The following SS18 variants were observed in gnomAD, a reference collection of about 807,000 sequenced individuals.
SS18 encodes the protein SS18 subunit of BAF chromatin remodeling complex.
Under a neutral mutation model 72.5 loss-of-function variants are expected in SS18, and 28 were observed. That is an observed-to-expected ratio of 0.39 (90% CI 0.29 to 0.53). The LOEUF (loss-of-function observed/expected upper bound fraction) is 0.53, where lower values mean the gene tolerates loss of function less well. Among genes scored for constraint, SS18 ranks in the 20% least tolerant of loss-of-function variants. SS18 has a pLI of 0.76. For synonymous variants in SS18, 172 were observed against 164.2 expected, an observed-to-expected ratio of 1.05 and a Z score of -0.37; for missense variants, 518 against 535.3, an observed-to-expected ratio of 0.97 and a Z score of 0.32.
intron 5 of SS18, among the ~76,000 whole-genome samples, chr18:26,040,838 A>T (rs902811586): frequency 1.3e-5 from 2 of 152,186 alleles, no homozygotes; most frequent in Non-Finnish European, 2.9e-5. Flanking sequence ...TCAACAAGGA[A>T]ATACAGTCTT....
intron 5 of SS18, among the ~76,000 whole-genome samples, chr18:26,040,842 C>T (rs574410798): frequency 1.8e-4 from 27 of 152,244 alleles, no homozygotes; most frequent in Non-Finnish European, 3.5e-4. Flanking sequence ...CAAGGAAATA[C>T]AGTCTTAGTA....
At chr18:26,077,716 T>C (rs974713522) in intron 3 of SS18, among the ~76,000 whole-genome samples, 8 of 152,174 alleles carry the variant, frequency 5.3e-5, no homozygotes, top group African/African-American at 1.2e-4. Flanking sequence ...GGTATGAGAA[T>C]AGTCCTGTCT....
At chr18:26,052,891 T>C (rs752738767) in intron 4 of SS18, 46 bp from the exon 5 acceptor site, 1 of 1,535,842 alleles carries the variant, frequency 6.5e-7, no homozygotes, top group Non-Finnish European at 9.0e-7. Flanking sequence ...GTTAAACAGA[T>C]GGTCCATACA....
At chr18:26,055,039 A>T (rs1427580053) in intron 4 of SS18, among the ~76,000 whole-genome samples, 2 of 151,864 alleles carry the variant, frequency 1.3e-5, no homozygotes, top group Non-Finnish European at 2.9e-5. Flanking sequence ...ATGCCCAGCG[A>T]GAGAATATCT....
At chr18:26,026,114 G>A (rs1227312748) in intron 10 of SS18, among the ~76,000 whole-genome samples, 1 of 152,096 alleles carries the variant, frequency 6.6e-6, no homozygotes, top group Non-Finnish European at 1.5e-5. Context: ...TTGAACCACT[G>A]TTATGTCAGG....
Position 26,050,832 on chromosome 18 carries a change from C to T in SS18, c.607+1792G>A, listed in dbSNP as rs191248964. 2.3e-3 allele frequency among the ~76,000 whole-genome samples: 357 copies of T among 152,182 alleles called. 1 individual carries two copies. The highest frequency in any genetic ancestry group is 5.9e-3 in the African/African-American group (244 of 41,506). On this transcript the variant is annotated intron_variant, in intron 5 of 10. Coordinates refer to ENST00000415083, the MANE Select transcript of SS18 (RefSeq NM_001007559.3). ...GCTGAGGCAGGAGAATGGTGTGAAC[C>T]CGGGAGGCGGAGCTTGCAGAGAGCA... is the stretch of plus-strand genomic sequence containing the variant.
At chr18:26,043,538 C>T (rs1303975931) in intron 5 of SS18, among the ~76,000 whole-genome samples, 1 of 152,108 alleles carries the variant, frequency 6.6e-6, no homozygotes, top group Non-Finnish European at 1.5e-5. Context: ...AATTTATTTG[C>T]AAGAATCCCT....
chr18:26,070,658 C>T (rs920958042), intron 3 of SS18, among the ~76,000 whole-genome samples: 9 of 152,142 alleles, frequency 5.9e-5, no homozygotes, highest in African/African-American at 1.7e-4. Flanking sequence ...AGCTAGTGCT[C>T]GATCTTGGCC....
chr18:26,030,312 C>T (rs1216994155), intron 10 of SS18, among the ~76,000 whole-genome samples: 2 of 152,198 alleles, frequency 1.3e-5, no homozygotes, highest in Non-Finnish European at 2.9e-5. Context: ...CCACATCTAC[C>T]TGGCTAATAT....
In SS18 at chr18:26,018,150, G is replaced by A. The variant is rs1301987095; in HGVS notation, c.*204C>T. ...CAATGTTGCCATCTAGAGTAGAAAT[G>A]TGAAATCAAGAGTATTTTTGAGCTA... On this transcript the variant is annotated 3_prime_UTR_variant, in exon 11 of 11. Transcript: ENST00000415083. The A allele has an allele frequency of 6.4e-6, 3 of 466,468 alleles. No individual in the cohort carries two copies. The highest frequency in any genetic ancestry group is 6.5e-5 in the East Asian group (2 of 30,598). The allele number at this position is 466,468 out of a possible 1,614,324, so 28.9% of individuals were successfully genotyped here.
At chr18:26,024,724 G>C (rs1288655537) in intron 10 of SS18, among the ~76,000 whole-genome samples, 1 of 151,908 alleles carries the variant, frequency 6.6e-6, no homozygotes, top group Non-Finnish European at 1.5e-5. Context: ...AAAAAGAGGA[G>C]AAAAATCAAA....
intron 2 of SS18, among the ~76,000 whole-genome samples, chr18:26,084,766 A>C (rs752160608): frequency 9.9e-5 from 15 of 152,180 alleles, no homozygotes; most frequent in Non-Finnish European, 1.8e-4. Flanking sequence ...TGTCAAAATC[A>C]TGGAATATTT....
At position 26,049,537 on chromosome 18, in the gene SS18, C is replaced by T. The variant is rs138598576; in HGVS notation, c.607+3087G>A. Reference sequence around the variant, plus strand: ...GTTACTCTTTTTGTTTTTTTAGAGACGGTCTTGCTCTGTCACCCAAGCTGG... The same window carrying T: ...GTTACTCTTTTTGTTTTTTTAGAGATGGTCTTGCTCTGTCACCCAAGCTGG... On this transcript the variant is annotated intron_variant, in intron 5 of 10. Transcript: ENST00000415083. Among the ~76,000 whole-genome samples the T allele has an allele frequency of 2.4e-3, 365 of 152,112 alleles. 1 individual carries two copies. Among genetic ancestry groups the T allele is most frequent in the African/African-American group, 8.4e-3 (348 of 41,494 alleles).
At chr18:26,056,060 A>T (rs1390536488) in intron 4 of SS18, among the ~76,000 whole-genome samples, 1 of 152,110 alleles carries the variant, frequency 6.6e-6, no homozygotes, top group Non-Finnish European at 1.5e-5. Context: ...CCTGGCCTGG[A>T]GAAATTCTTA....
intron 10 of SS18, among the ~76,000 whole-genome samples, chr18:26,026,877 T>TTTTTTAAACACATCA (rs1204234882): frequency 6.6e-6 from 1 of 152,096 alleles, no homozygotes; most frequent in Non-Finnish European, 1.5e-5. Flanking sequence ...AAATTTACAA[T>TTTTTTAAACACATCA]AGCATCAAAA....
intron 5 of SS18, among the ~76,000 whole-genome samples, chr18:26,046,691 T>C (rs1319091919): frequency 6.6e-6 from 1 of 152,232 alleles, no homozygotes; most frequent in Non-Finnish European, 1.5e-5. Flanking sequence ...CATTTCTTTG[T>C]TGCACTTTTA....
chr18:26,073,806 A>C (rs2054359504), intron 3 of SS18, among the ~76,000 whole-genome samples: 1 of 152,224 alleles, frequency 6.6e-6, no homozygotes, highest in African/African-American at 2.4e-5. Flanking sequence ...ATCAAGAAAA[A>C]GCAGTTTGTG....
Position 26,017,576 on chromosome 18 carries a change from A to C in SS18, c.*778T>G, listed in dbSNP as rs2053269826. The C allele has an allele frequency of 1.5e-5, 3 of 202,442 alleles. No homozygotes were observed. Among genetic ancestry groups the C allele is most frequent in the Non-Finnish European group, 2.0e-5 (2 of 98,362 alleles). 12.5% of individuals were successfully genotyped at this position (202,442 alleles called of 1,614,324 possible). On this transcript the variant is annotated 3_prime_UTR_variant, in exon 11 of 11. Transcript: ENST00000415083. ...GTTTTACCAAAGCCTCCTCAGATCC[A>C]ACACAAAGTAATTCTTATTGCCTCA...
intron 5 of SS18, among the ~76,000 whole-genome samples, 164 bp downstream of exon 5, chr18:26,052,460 A>C (rs1301452435): frequency 6.6e-6 from 1 of 152,242 alleles, no homozygotes; most frequent in Non-Finnish European, 1.5e-5. Context: ...TTGAGCAAAG[A>C]GATTTAAACT....
Sources: allele counts gnomAD v4.1 joint callset (sites outside exome capture counted in the v4.1 genomes callset), GRCh38; gene constraint gnomAD v4.1.1; transcripts MANE v1.5; gene names NCBI Gene and HGNC (gene_info 2026-07-23, HGNC 2026-07-21).